Variants in CCSER1 observed in about 807,000 individuals in gnomAD.
The protein encoded by CCSER1 is coiled-coil serine rich protein 1.
Under a neutral mutation model 82.0 loss-of-function variants are expected in CCSER1, and 41 were observed. The observed-to-expected ratio is 0.50, with a 90% CI of 0.39 to 0.65. CCSER1 has a LOEUF of 0.65. CCSER1 is among the 30% of genes least tolerant of loss of function. The pLI is 0.00. For missense variants in CCSER1, 1,119 were observed against 1,064.2 expected (o/e 1.05, Z -0.72); for synonymous variants, 414 against 383.9 (o/e 1.08, Z -0.92).
chr4:91,186,479 C>T (rs904635753), intron 10 of CCSER1, among the ~76,000 whole-genome samples: 4 of 152,018 alleles, frequency 2.6e-5, no homozygotes, highest in Admixed American at 1.3e-4. Context: ...GGCAATCCTT[C>T]GACCTGGATT....
chr4:91,239,181 A>G (rs928781269), intron 10 of CCSER1, among the ~76,000 whole-genome samples: 8 of 133,430 alleles, frequency 6.0e-5, no homozygotes, highest in African/African-American at 2.3e-4. Flanking sequence ...ATTATAATCA[A>G]CTTCATCTTA....
chr4:91,498,102 A>T (rs911770386), intron 10 of CCSER1, among the ~76,000 whole-genome samples: 1 of 151,994 alleles, frequency 6.6e-6, no homozygotes, highest in African/African-American at 2.4e-5. Flanking sequence ...GTTCAGATGG[A>T]ATATGCAAAT....
intron 6 of CCSER1, among the ~76,000 whole-genome samples, chr4:90,716,299 A>C (rs539870536): frequency 6.6e-6 from 1 of 151,934 alleles, no homozygotes; most frequent in Non-Finnish European, 1.5e-5. Flanking sequence ...ATGTACAAAA[A>C]TTTTTAAAAA....
intron 10 of CCSER1, among the ~76,000 whole-genome samples, chr4:91,221,307 A>G (rs1381173314): frequency 1.3e-5 from 2 of 152,176 alleles, no homozygotes; most frequent in East Asian, 1.9e-4. Context: ...ATGCTATTTT[A>G]CTATAAATAT....
intron 10 of CCSER1, among the ~76,000 whole-genome samples, chr4:91,241,919 C>T (rs1739398496): frequency 6.6e-6 from 1 of 151,954 alleles, no homozygotes; most frequent in South Asian, 2.1e-4. Context: ...ACCCTAATAT[C>T]TCTATATATT....
chr4:90,399,979 A>C, intron 3 of CCSER1, 57 bp from the exon 4 acceptor site: 1 of 945,232 alleles, frequency 1.1e-6, no homozygotes, highest in Non-Finnish European at 1.7e-6. Context: ...ACATATGAGT[A>C]TTTCCTCATT....
intron 1 of CCSER1, among the ~76,000 whole-genome samples, chr4:90,287,005 C>T (rs1489651452): frequency 1.3e-5 from 2 of 151,894 alleles, no homozygotes; most frequent in East Asian, 3.9e-4. Flanking sequence ...CAGGTTGCTG[C>T]AGCCAGAGTG....
At position 90,208,089 on chromosome 4, in the gene CCSER1, T is replaced by A. The variant is rs539161068; in HGVS notation, c.-42+80258T>A. On this transcript the variant is annotated intron_variant, in intron 1 of 10. Transcript: ENST00000509176. Reference sequence around the variant, plus strand: ...CAGGAACGTTTAAGTCTGCTGAAGCTGCGCCCGCAGCCACCCCTTCCCCCA... The same window carrying A: ...CAGGAACGTTTAAGTCTGCTGAAGCAGCGCCCGCAGCCACCCCTTCCCCCA... 6.6e-5 allele frequency among the ~76,000 whole-genome samples: 10 copies of A among 152,210 alleles called. No individual in the cohort carries two copies. In the South Asian group the frequency reaches 2.1e-3, roughly 31 times the overall value.
chr4:91,079,539 CATA>C (rs1722445052), intron 9 of CCSER1, among the ~76,000 whole-genome samples: 1 of 152,118 alleles, frequency 6.6e-6, no homozygotes, highest in African/African-American at 2.4e-5. Context: ...CAGCTAACAT[CATA>C]ATGACAGGAT....
chr4:90,533,313 T>A (rs556859569), intron 5 of CCSER1, among the ~76,000 whole-genome samples: 1 of 152,020 alleles, frequency 6.6e-6, no homozygotes, highest in Non-Finnish European at 1.5e-5. Context: ...GCCAGGATGG[T>A]CTCCATCTCC....
At chr4:90,429,376 T>C (rs1387843677) in intron 4 of CCSER1, among the ~76,000 whole-genome samples, 1 of 151,826 alleles carries the variant, frequency 6.6e-6, no homozygotes, top group Non-Finnish European at 1.5e-5. Flanking sequence ...AAGATAGTCA[T>C]TTGAATTAGT....
At chr4:91,113,267 T>G (rs1444275508) in intron 10 of CCSER1, among the ~76,000 whole-genome samples, 1 of 152,196 alleles carries the variant, frequency 6.6e-6, no homozygotes, top group Non-Finnish European at 1.5e-5. Flanking sequence ...TGGGAGGCTC[T>G]GAGTTGCAAG....
intron 5 of CCSER1, among the ~76,000 whole-genome samples, chr4:90,475,234 C>T (rs1186561433): frequency 6.6e-6 from 1 of 152,144 alleles, no homozygotes; most frequent in African/African-American, 2.4e-5. Flanking sequence ...TCAAATTCTT[C>T]CATTTAAAAA....
chr4:90,610,695 A>G (rs1785351068), intron 5 of CCSER1, among the ~76,000 whole-genome samples: 2 of 152,210 alleles, frequency 1.3e-5, no homozygotes, highest in Non-Finnish European at 2.9e-5. Flanking sequence ...TAGTATTATG[A>G]TGAACATCAT....
In CCSER1 at chr4:91,171,406, G is replaced by C. The variant is rs569873095; in HGVS notation, c.2217+85412G>C. On this transcript the variant is annotated intron_variant, in intron 10 of 10. Coordinates refer to ENST00000509176, the MANE Select transcript of CCSER1 (RefSeq NM_001145065.2). ...ATTTTAGAGAGGTTTCTCTTGAGTA[G>C]TCTAGCTTCCTAAATTAATGCTGAA... Among the ~76,000 whole-genome samples, 6 of 152,306 alleles carry C rather than the reference G, an allele frequency of 3.9e-5. No homozygotes were observed. In the South Asian group the frequency reaches 1.2e-3, roughly 32 times the overall value.
At position 91,544,555 on chromosome 4, in the gene CCSER1, G is replaced by C. The variant is rs567696293; in HGVS notation, c.2218-54017G>C. 1.1e-4 allele frequency among the ~76,000 whole-genome samples: 17 copies of C among 152,334 alleles called. 1 individual carries two copies. In the South Asian group the frequency reaches 3.5e-3, roughly 32 times the overall value. ...AGTCAGCACCCTCAGCTGCAGGTCT[G>C]TTGGAGTTTGCTGGAGGTCCACTCC... On this transcript the variant is annotated intron_variant, in intron 10 of 10. Coordinates refer to ENST00000509176, the MANE Select transcript of CCSER1 (RefSeq NM_001145065.2).
chr4:91,070,776 A>G (rs1319052505), intron 9 of CCSER1, among the ~76,000 whole-genome samples: 1 of 152,186 alleles, frequency 6.6e-6, no homozygotes, highest in Non-Finnish European at 1.5e-5. Context: ...CCACAAAACC[A>G]GTTCCAGGTG....
chr4:91,234,262 G>A (rs1410808936), intron 10 of CCSER1, among the ~76,000 whole-genome samples: 1 of 151,984 alleles, frequency 6.6e-6, no homozygotes, highest in Non-Finnish European at 1.5e-5. Flanking sequence ...AACAAGCATT[G>A]TAAACCTTTA....
At chr4:90,152,690 C>T (rs773382290) in intron 1 of CCSER1, among the ~76,000 whole-genome samples, 1 of 151,826 alleles carries the variant, frequency 6.6e-6, no homozygotes, top group Non-Finnish European at 1.5e-5. Context: ...AGAGAGTGCC[C>T]AAAGGGAAGT....
Sources: allele counts gnomAD v4.1 joint callset (sites outside exome capture counted in the v4.1 genomes callset), GRCh38; gene constraint gnomAD v4.1.1; transcripts MANE v1.5; gene names NCBI Gene and HGNC (gene_info 2026-07-23, HGNC 2026-07-21).